Variants in MAML2 observed in about 807,000 individuals in gnomAD.
MAML2 encodes the protein mastermind-like protein 2.
MAML2 carries 22 observed loss-of-function variants against 96.1 expected under a neutral mutation model. The observed-to-expected ratio is 0.23, with a 90% CI of 0.16 to 0.33. The LOEUF (loss-of-function observed/expected upper bound fraction) is 0.33. MAML2 is among the 10% of genes least tolerant of loss of function. The pLI is 1.00. For missense variants in MAML2, 1,367 were observed against 1,392.4 expected (o/e 0.98, Z 0.29); for synonymous variants, 561 against 521.3 (o/e 1.08, Z -1.04).
chr11:96,029,346 C>G (rs10765785), intron 2 of MAML2, among the ~76,000 whole-genome samples: 18,353 of 151,852 alleles, frequency 0.12, 2,896 homozygotes, highest in African/African-American at 0.37. Context: ...ATTTTTACAT[C>G]GTAAAAATGT....
At chr11:96,097,313 G>T (rs979711621) in intron 1 of MAML2, among the ~76,000 whole-genome samples, 5 of 152,206 alleles carry the variant, frequency 3.3e-5, no homozygotes, top group African/African-American at 1.2e-4. Context: ...GACCTAACCA[G>T]GGGAATGGTA....
intron 1 of MAML2, among the ~76,000 whole-genome samples, chr11:96,116,306 A>G (rs973614915): frequency 2.0e-5 from 3 of 152,174 alleles, no homozygotes; most frequent in African/African-American, 7.2e-5. Context: ...AATGGACTCA[A>G]TGTACTCTAT....
chr11:96,244,368 T>C (rs76915185), intron 1 of MAML2, among the ~76,000 whole-genome samples: 201 of 152,322 alleles, frequency 1.3e-3, no homozygotes, highest in African/African-American at 4.4e-3. Flanking sequence ...ATTCTATAAG[T>C]AGATAAGGAA....
chr11:96,071,695 T>C (rs1392453436), intron 2 of MAML2, among the ~76,000 whole-genome samples: 1 of 152,242 alleles, frequency 6.6e-6, no homozygotes, highest in Non-Finnish European at 1.5e-5. Context: ...AAAAGACTCA[T>C]GGATATTTAG....
chr11:96,037,109 A>G, intron 2 of MAML2, among the ~76,000 whole-genome samples: 1 of 151,910 alleles, frequency 6.6e-6, no homozygotes, highest in East Asian at 1.9e-4. Context: ...CACCAGATGC[A>G]TTCTGGGATG....
intron 1 of MAML2, among the ~76,000 whole-genome samples, chr11:96,206,422 C>A (rs894916308): frequency 7.2e-4 from 110 of 152,192 alleles, no homozygotes; most frequent in African/African-American, 2.6e-3. Context: ...ATGGTAAAAC[C>A]CTATCTCTAC....
At chr11:96,084,617 C>T (rs1164966795) in intron 2 of MAML2, among the ~76,000 whole-genome samples, 1 of 152,146 alleles carries the variant, frequency 6.6e-6, no homozygotes, top group East Asian at 1.9e-4. Flanking sequence ...ATGAAACAGT[C>T]TTAAGTCAGT....
intron 1 of MAML2, among the ~76,000 whole-genome samples, chr11:96,169,006 C>G (rs1861238584): frequency 6.6e-6 from 1 of 152,130 alleles, no homozygotes; most frequent in Non-Finnish European, 1.5e-5. Flanking sequence ...TATTAATCTG[C>G]CATAAATTGC....
intron 1 of MAML2, among the ~76,000 whole-genome samples, chr11:96,241,606 T>C (rs945517582): frequency 1.3e-5 from 2 of 152,256 alleles, no homozygotes; most frequent in Admixed American, 6.5e-5. Context: ...GTAAGAAACC[T>C]TGCCCTATTG....
At chr11:96,037,134 C>A (rs754524616) in intron 2 of MAML2, among the ~76,000 whole-genome samples, 4 of 147,956 alleles carry the variant, frequency 2.7e-5, no homozygotes, top group Non-Finnish European at 6.0e-5. Flanking sequence ...TGCCCACAAG[C>A]AAAACTTTGG....
intron 1 of MAML2, among the ~76,000 whole-genome samples, chr11:96,106,094 G>A (rs1290484041): frequency 6.6e-6 from 1 of 152,116 alleles, no homozygotes; most frequent in Non-Finnish European, 1.5e-5. Flanking sequence ...CCTTTATATT[G>A]TTTGCAGTTC....
intron 2 of MAML2, among the ~76,000 whole-genome samples, chr11:96,002,540 TGATGATGGGGATGATGAA>T (rs199860386): frequency 2.2e-4 from 27 of 123,322 alleles, no homozygotes; most frequent in Middle Eastern, 7.9e-3. Flanking sequence ...CTGATGAAGA[TGATGATGGGGATGATGAA>T]GATGATGGGG....
At chr11:96,022,272 T>C (rs1858447634) in intron 2 of MAML2, among the ~76,000 whole-genome samples, 1 of 152,226 alleles carries the variant, frequency 6.6e-6, no homozygotes, top group East Asian at 1.9e-4. Context: ...GCTCCCGTCC[T>C]GAATCTTTCC....
intron 1 of MAML2, among the ~76,000 whole-genome samples, chr11:96,113,503 G>A (rs1860169599): frequency 6.7e-6 from 1 of 150,314 alleles, no homozygotes; most frequent in South Asian, 2.1e-4. Context: ...CTTCCCTGAA[G>A]TAGATTTGCT....
At chr11:96,063,071 C>T (rs1859192157) in intron 2 of MAML2, among the ~76,000 whole-genome samples, 1 of 135,720 alleles carries the variant, frequency 7.4e-6, no homozygotes. Context: ...CAGTCCACCC[C>T]TCTGTCCACC....
chr11:96,045,012 CT>C (rs1282348481), intron 2 of MAML2, among the ~76,000 whole-genome samples: 6 of 151,582 alleles, frequency 4.0e-5, no homozygotes, highest in African/African-American at 1.5e-4. Context: ...CACAAGAGCA[CT>C]TGGTTGAAAA....
At position 96,093,390 on chromosome 11, in the gene MAML2, G is replaced by A. The variant is rs201529416; in HGVS notation, c.641C>T (p.Ala214Val). ...KRIRVGENLS[A>V]GQGGLQINNG... Reference sequence around the variant, plus strand: ...GTTTATTTGGAGGCCACCTTGTCCTGCAGAGAGATTCTCCCCAACACGAAT... The same window carrying A: ...GTTTATTTGGAGGCCACCTTGTCCTACAGAGAGATTCTCCCCAACACGAAT... Residue 214 changes from alanine (A) to valine (V), a missense_variant, in exon 2 of 5, where the codon GCA becomes GTA. Physicochemically the swap from Ala to Val is moderately conservative, Grantham distance 64. Transcript: ENST00000524717. 73 of 1,613,904 alleles carry A rather than the reference G, an allele frequency of 4.5e-5. No homozygotes were observed. In the African/African-American group the frequency reaches 8.7e-4, roughly 19 times the overall value.
chr11:96,090,587 A>C (rs903704591), intron 2 of MAML2, among the ~76,000 whole-genome samples: 1 of 152,226 alleles, frequency 6.6e-6, no homozygotes, highest in Non-Finnish European at 1.5e-5. Context: ...AAATGCTCCC[A>C]AAATTCCCTG....
In MAML2 at chr11:95,991,448, T is replaced by C; in HGVS notation, c.2343+72A>G. ...GTCACGTAAGTAGGCACAGTAAATATAAATGGAAAAGAATAAACTCCCTCT... is the reference window on the plus strand; with the variant it reads ...GTCACGTAAGTAGGCACAGTAAATACAAATGGAAAAGAATAAACTCCCTCT... On this transcript the variant is annotated intron_variant, in intron 3 of 4. Transcript: ENST00000524717. The C allele has an allele frequency of 2.1e-6, 3 of 1,407,830 alleles. No homozygotes were observed. In the South Asian group the frequency reaches 3.5e-5, roughly 16 times the overall value. 87.2% of individuals were successfully genotyped at this position (1,407,830 alleles called of 1,614,324 possible).
Sources: gnomAD v4.1 joint callset for allele counts (sites outside exome capture counted in the v4.1 genomes callset) on GRCh38, gnomAD v4.1.1 for gene constraint, MANE v1.5 for transcripts, NCBI Gene and HGNC (gene_info 2026-07-23, HGNC 2026-07-21) for gene names.